BCO2: variants seen among roughly 807,000 people sequenced by gnomAD.
The protein encoded by BCO2 is beta-carotene oxygenase 2.
A neutral mutation model predicts 65.8 loss-of-function variants in BCO2; 56 were observed. The ratio of observed to expected loss-of-function variants is 0.85; its 90% confidence interval spans 0.69 to 1.06. BCO2 has a LOEUF of 1.06. BCO2 is among the 50% of genes least tolerant of loss of function. BCO2 has a pLI of 0.00. For missense variants in BCO2, 675 were observed against 698.5 expected (o/e 0.97, Z 0.38); for synonymous variants, 233 against 242.3 (o/e 0.96, Z 0.36).
chr11:112,214,703 A>G, intron 9 of BCO2, 59 bp from the exon 10 acceptor site: 4 of 1,448,086 alleles, frequency 2.8e-6, no homozygotes, highest in Middle Eastern at 1.8e-4. Context: ...TCACTGACCT[A>G]CATAAGAGGA....
intron 7 of BCO2, among the ~76,000 whole-genome samples, chr11:112,201,033 A>G (rs1867717148): frequency 2.0e-5 from 3 of 152,202 alleles, no homozygotes; most frequent in Admixed American, 2.0e-4. Context: ...CTCTCTTAGC[A>G]TGGACTTTTT....
At chr11:112,212,857 G>A (rs890223498) in intron 8 of BCO2, among the ~76,000 whole-genome samples, 7 of 152,162 alleles carry the variant, frequency 4.6e-5, no homozygotes, top group African/African-American at 1.7e-4. Context: ...ACAAACTACT[G>A]CAGAGTCACT....
At chr11:112,213,131 CTTTTTTTT>C (rs35527541) in intron 8 of BCO2, among the ~76,000 whole-genome samples, 8 of 63,064 alleles carry the variant, frequency 1.3e-4, no homozygotes, top group South Asian at 7.8e-4. Flanking sequence ...AATTAAATAA[CTTTTTTTT>C]TTTTTTTTTT....
chr11:112,196,506 A>G (rs1867578229), intron 5 of BCO2, among the ~76,000 whole-genome samples: 1 of 152,226 alleles, frequency 6.6e-6, no homozygotes, highest in Non-Finnish European at 1.5e-5. Context: ...AACATTAATC[A>G]ATCCAGTTGG....
At chr11:112,176,076 ATTTATG>A (rs1866872373) in intron 1 of BCO2, 1 of 169,016 alleles carries the variant, frequency 5.9e-6, no homozygotes, top group South Asian at 1.5e-4. Context: ...CTTAAAACTC[ATTTATG>A]TTTTATAGCC....
chr11:112,176,517 C>CAGG lies in BCO2; in HGVS notation c.88+828_88+829insAGG, dbSNP rs1555193533. The CAGG allele has an allele frequency of 1.9e-4, 9 of 46,738 alleles. 1 individual carries two copies. The highest frequency in any genetic ancestry group is 2.9e-4 in the Non-Finnish European group (8 of 27,468). 2.9% of individuals were successfully genotyped at this position (46,738 alleles called of 1,614,324 possible). On this transcript the variant is annotated intron_variant, in intron 1 of 11. Transcript: ENST00000357685. ...ATCCTAGATGAAGAAAATTGATTGG[C>CAGG]GGGGGGGGGGGAATTAAACATTCTA...
chr11:112,183,482 C>G (rs557201188), intron 2 of BCO2, among the ~76,000 whole-genome samples: 46 of 152,172 alleles, frequency 3.0e-4, no homozygotes, highest in Non-Finnish European at 5.9e-4. Flanking sequence ...GGAATAGTAT[C>G]TATTATATTT....
At chr11:112,179,506 A>G in intron 2 of BCO2, 24 bp downstream of exon 2, 1 of 1,603,076 alleles carries the variant, frequency 6.2e-7, no homozygotes, top group Non-Finnish European at 8.5e-7. Context: ...TTGGAGAACA[A>G]CTTGGATTTC....
chr11:112,211,559 C>G (rs1375058157), intron 8 of BCO2, among the ~76,000 whole-genome samples: 1 of 151,984 alleles, frequency 6.6e-6, no homozygotes, highest in African/African-American at 2.4e-5. Context: ...TCTACGGTGG[C>G]CACAGCATTT....
intron 2 of BCO2, chr11:112,180,787 C>T: frequency 1.0e-6 from 1 of 987,684 alleles, no homozygotes; most frequent in Non-Finnish European, 1.6e-6. Flanking sequence ...GGCGGATGAC[C>T]CTGTTCCTGA....
At chr11:112,186,685 A>G (rs1481877018) in intron 2 of BCO2, among the ~76,000 whole-genome samples, 2 of 152,312 alleles carry the variant, frequency 1.3e-5, no homozygotes, top group Middle Eastern at 3.4e-3. Flanking sequence ...AATTGAAGAC[A>G]TACTAGTTTT....
At chr11:112,181,402 C>T (rs2135348300) in intron 2 of BCO2, 2 of 567,760 alleles carry the variant, frequency 3.5e-6, no homozygotes, top group South Asian at 3.4e-5. Context: ...GGGATGGTCT[C>T]GATCTCCTGA....
intron 5 of BCO2, 106 bp from the exon 6 acceptor site, chr11:112,199,593 A>G (rs1431434907): frequency 9.7e-6 from 9 of 929,220 alleles, no homozygotes; most frequent in Non-Finnish European, 1.5e-5. Flanking sequence ...TGTCACACAT[A>G]TTGCATAAAT....
intron 3 of BCO2, 45 bp downstream of exon 3, chr11:112,193,742 A>G (rs1473188155): frequency 3.8e-6 from 6 of 1,572,910 alleles, no homozygotes; most frequent in Admixed American, 3.5e-5. Context: ...ATAACCATCT[A>G]TACAAACATA....
chr11:112,202,273 C>A, intron 8 of BCO2, 83 bp downstream of exon 8: 1 of 1,111,118 alleles, frequency 9.0e-7, no homozygotes. Context: ...ACATGTTTCT[C>A]TCTCTCTCTC....
intron 8 of BCO2, among the ~76,000 whole-genome samples, chr11:112,210,943 GTA>G (rs904050806): frequency 5.3e-5 from 8 of 151,782 alleles, no homozygotes; most frequent in African/African-American, 1.9e-4. Context: ...GGTGTAGAAA[GTA>G]TATATATATA....
chr11:112,185,724 A>C (rs1414747238), intron 2 of BCO2, among the ~76,000 whole-genome samples: 1 of 152,224 alleles, frequency 6.6e-6, no homozygotes, highest in Non-Finnish European at 1.5e-5. Flanking sequence ...TAATGGCTAG[A>C]TGAATTCCAG....
At chr11:112,181,921 G>A (rs1275152778) in intron 2 of BCO2, 2 of 632,980 alleles carry the variant, frequency 3.2e-6, no homozygotes, top group Non-Finnish European at 5.7e-6. Context: ...AAGATGCTCT[G>A]TTAATGGGAG....
chr11:112,214,745 T>C lies in BCO2; in HGVS notation c.1333-17T>C, dbSNP rs766893836. The C allele has an allele frequency of 3.1e-6, 5 of 1,605,668 alleles. No individual in the cohort carries two copies. The South Asian group carries it at 5.5e-5, about 18-fold the overall frequency. ...GAATTAAGCAACCACTACAAATCCTTTTGAAATCTCTTTTAGATCTGGTGC... is the reference window on the plus strand; with the variant it reads ...GAATTAAGCAACCACTACAAATCCTCTTGAAATCTCTTTTAGATCTGGTGC... On this transcript the variant is annotated splice_polypyrimidine_tract_variant and intron_variant, in intron 9 of 11. Coordinates refer to ENST00000357685, the MANE Select transcript of BCO2 (RefSeq NM_031938.7).
Sources: allele counts gnomAD v4.1 joint callset (sites outside exome capture counted in the v4.1 genomes callset), GRCh38; gene constraint gnomAD v4.1.1; transcripts MANE v1.5; gene names NCBI Gene and HGNC (gene_info 2026-07-23, HGNC 2026-07-21).